Variants in XKR4 observed in about 807,000 individuals in gnomAD.
XKR4 encodes the protein XK related 4.
A neutral mutation model predicts 53.9 loss-of-function variants in XKR4; 12 were observed. That is an observed-to-expected ratio of 0.22 (90% CI 0.14 to 0.36). XKR4 has a LOEUF of 0.36. XKR4 is among the 10% of genes least tolerant of loss of function. The probability of loss-of-function intolerance (pLI) is 1.00; values close to 1 mark genes in which losing one functional copy is unlikely to be tolerated. For missense variants in XKR4, 799 were observed against 859.5 expected (o/e 0.93, Z 0.88); for synonymous variants, 354 against 362.4 (o/e 0.98, Z 0.26).
intron 1 of XKR4, among the ~76,000 whole-genome samples, chr8:55,296,617 A>G (rs1819104622): frequency 6.6e-6 from 1 of 152,180 alleles, no homozygotes; most frequent in Non-Finnish European, 1.5e-5. Context: ...TTAGAGAATT[A>G]ATGAACAACA....
intron 2 of XKR4, among the ~76,000 whole-genome samples, chr8:55,400,596 G>A (rs1223608925): frequency 6.6e-6 from 1 of 152,192 alleles, no homozygotes; most frequent in East Asian, 1.9e-4. Flanking sequence ...CAGAGAGACA[G>A]CCTGAGCAAG....
intron 1 of XKR4, among the ~76,000 whole-genome samples, chr8:55,157,890 T>C (rs1188955547): frequency 6.6e-6 from 1 of 152,234 alleles, no homozygotes; most frequent in East Asian, 1.9e-4. Context: ...TATTCCATGG[T>C]GTCTATGTAC....
At position 55,102,742 on chromosome 8, in the gene XKR4, G is replaced by A. The variant is rs2129350037; in HGVS notation, c.254G>A (p.Gly85Asp). 8.3e-7 allele frequency: 1 copy of A among 1,211,050 alleles called. No homozygotes were observed. The highest frequency in any genetic ancestry group is 1.0e-6 in the Non-Finnish European group (1 of 974,442). 75.0% of individuals were successfully genotyped at this position (1,211,050 alleles called of 1,614,324 possible). A position where few individuals can be genotyped will look rare whatever the true frequency, so the allele number is the denominator to read the frequency against. ...AGSGGSGGVA[G>D]PGGGGAGSAA... is the part of the protein sequence containing the mutation. Reference sequence around the variant, plus strand: ...TCGGGCGGCTCCGGCGGCGTCGCCGGCCCGGGCGGCGGCGGGGCGGGCTCG... The same window carrying A: ...TCGGGCGGCTCCGGCGGCGTCGCCGACCCGGGCGGCGGCGGGGCGGGCTCG... The change falls in exon 1 of 3, where the codon GGC becomes GAC. Residue 85 changes from glycine to aspartate, a missense_variant. Physicochemically the swap from Gly to Asp is moderately conservative, Grantham distance 94 (BLOSUM62 -1). This residue lies in a region of XKR4 where 476 missense variants were observed against 505.4 expected (regional missense o/e 0.94). Coordinates refer to ENST00000327381, the MANE Select transcript of XKR4 (RefSeq NM_052898.2). This position sits in a 1 kb window ranked among gnomAD's most constrained non-coding sequence, Gnocchi z 5.1.
intron 2 of XKR4, among the ~76,000 whole-genome samples, chr8:55,367,756 G>C (rs551089313): frequency 6.6e-6 from 1 of 151,832 alleles, no homozygotes; most frequent in Admixed American, 6.6e-5. Context: ...CCTCACCCCC[G>C]ATCCAGTCCA....
intron 2 of XKR4, among the ~76,000 whole-genome samples, chr8:55,473,799 CTTCCTTCCTTCT>C (rs1266191884): frequency 1.3e-5 from 2 of 150,282 alleles, no homozygotes; most frequent in Admixed American, 1.3e-4. Flanking sequence ...TCTTTCCTTC[CTTCCTTCCTTCT>C]TTCCTCCCTT....
intron 2 of XKR4, among the ~76,000 whole-genome samples, chr8:55,373,307 C>T (rs899250789): frequency 5.9e-5 from 9 of 152,260 alleles, no homozygotes; most frequent in East Asian, 1.9e-4. Flanking sequence ...GCTGGGATTA[C>T]AGGCATGCAC....
intron 1 of XKR4, chr8:55,164,805 CA>C: frequency 5.1e-6 from 1 of 195,960 alleles, no homozygotes; most frequent in Non-Finnish European, 1.1e-5. Context: ...CACACACACA[CA>C]CACACACACG....
chr8:55,285,317 T>C (rs1277311885), intron 1 of XKR4, among the ~76,000 whole-genome samples: 2 of 151,876 alleles, frequency 1.3e-5, no homozygotes. Flanking sequence ...TGGATGTGAG[T>C]AGGGAGGTGC....
chr8:55,371,772 T>C (rs1804072968), intron 2 of XKR4, among the ~76,000 whole-genome samples: 1 of 152,228 alleles, frequency 6.6e-6, no homozygotes, highest in Non-Finnish European at 1.5e-5. Flanking sequence ...CCCCAAGTTA[T>C]ACTTAGAAGA....
intron 2 of XKR4, among the ~76,000 whole-genome samples, chr8:55,366,537 C>T (rs1013482085): frequency 6.6e-6 from 1 of 152,184 alleles, no homozygotes. Flanking sequence ...AGCAAGCCTA[C>T]CTTATGTCCC....
At chr8:55,438,247 T>C (rs1805206942) in intron 2 of XKR4, among the ~76,000 whole-genome samples, 1 of 152,096 alleles carries the variant, frequency 6.6e-6, no homozygotes, top group African/African-American at 2.4e-5. Flanking sequence ...TGACTCATAA[T>C]AGGCTTCTTC....
intron 1 of XKR4, among the ~76,000 whole-genome samples, chr8:55,159,632 C>A (rs1285890550): frequency 6.6e-6 from 1 of 152,124 alleles, no homozygotes; most frequent in East Asian, 1.9e-4. Flanking sequence ...TGAGGAATGA[C>A]TTGTAAACAT....
intron 2 of XKR4, among the ~76,000 whole-genome samples, chr8:55,489,536 T>A (rs1335013675): frequency 6.6e-6 from 1 of 152,146 alleles, no homozygotes; most frequent in Non-Finnish European, 1.5e-5. Flanking sequence ...TGGCTCCTCA[T>A]GTTGTGTTAC....
intron 1 of XKR4, among the ~76,000 whole-genome samples, chr8:55,152,472 G>T (rs867015740): frequency 1.5e-5 from 2 of 129,574 alleles, no homozygotes; most frequent in Admixed American, 1.5e-4. Context: ...ATAATGCACA[G>T]GTTATGAAAA....
intron 1 of XKR4, among the ~76,000 whole-genome samples, chr8:55,168,596 G>A (rs1817103817): frequency 6.6e-6 from 1 of 152,108 alleles, no homozygotes; most frequent in Admixed American, 6.5e-5. Flanking sequence ...TACTTCCCCT[G>A]CCTCATTTCA....
intron 2 of XKR4, among the ~76,000 whole-genome samples, chr8:55,496,278 T>G (rs986350017): frequency 1.3e-5 from 2 of 152,216 alleles, no homozygotes; most frequent in South Asian, 2.1e-4. Flanking sequence ...ACAGAATCAT[T>G]GTCTCTTATT....
intron 2 of XKR4, chr8:55,449,472 C>G (rs963801432): frequency 2.3e-5 from 23 of 996,560 alleles, no homozygotes; most frequent in Non-Finnish European, 2.9e-5. Context: ...TGGTCGGTAA[C>G]GACTGGAAGC....
chr8:55,142,280 A>T (rs139669648), intron 1 of XKR4: 4 of 437,632 alleles, frequency 9.1e-6, no homozygotes, highest in Non-Finnish European at 1.8e-5. Context: ...ATTCTCCTGG[A>T]TAAGGAAAGG....
At chr8:55,134,799 A>G (rs1816602005) in intron 1 of XKR4, among the ~76,000 whole-genome samples, 2 of 152,362 alleles carry the variant, frequency 1.3e-5, no homozygotes, top group South Asian at 4.1e-4. Context: ...CCTTTGTTAA[A>G]ATGCACACAT....
Sources: gnomAD v4.1 joint callset for allele counts (sites outside exome capture counted in the v4.1 genomes callset) on GRCh38, gnomAD v4.1.1 for gene constraint, gnomAD v4.1.1 regional missense constraint, Gnocchi (gnomAD v3.1) non-coding constraint, MANE v1.5 for transcripts, NCBI Gene and HGNC (gene_info 2026-07-23, HGNC 2026-07-21) for gene names.